ATAD5: variants seen among roughly 807,000 people sequenced by gnomAD.
The protein encoded by ATAD5 is ATPase family AAA domain containing 5, also known as ATPase family AAA domain-containing protein 5.
A neutral mutation model predicts 176.9 loss-of-function variants in ATAD5; 58 were observed. The ratio of observed to expected loss-of-function variants is 0.33; its 90% CI spans 0.27 to 0.41. The LOEUF (loss-of-function observed/expected upper bound fraction) is 0.41, where lower values mean the gene tolerates loss of function less well. Among genes scored for constraint, ATAD5 ranks in the 10% least tolerant of loss-of-function variants. The pLI is 1.00. For synonymous variants in ATAD5, 640 were observed against 712.6 expected (o/e 0.90, Z 1.62); for missense variants, 1,789 against 2,094.1 (o/e 0.85, Z 2.84).
Position 30,860,519 on chromosome 17 carries a change from G to C in ATAD5, c.3043G>C (p.Glu1015Gln). Residue 1015 changes from glutamate to glutamine, a missense_variant, in exon 10 of 23, where the codon GAG (glutamate) becomes CAG (glutamine). Glu to Gln is a conservative substitution (Grantham distance 29). Around this residue, in one of 6 missense-constraint regions of ATAD5, gnomAD observed 487 missense variants for 573.6 expected, o/e 0.85. Transcript: ENST00000321990. ...TAAGTCAAAAAGAAAGAAACCAAAT[G>C]AGTATTCAAAAAATCTGGAGAAGAC... ...NSKSKRKKPN[E>Q]YSKNLEKTNR... 6.3e-7 allele frequency: 1 copy of C among 1,599,522 alleles called. No homozygotes were observed. Among genetic ancestry groups the C allele is most frequent in the Non-Finnish European group, 8.5e-7 (1 of 1,177,004 alleles).
Position 30,876,578 on chromosome 17 carries a change from A to AT in ATAD5, c.3784+34dup, listed in dbSNP as rs752353073. ...AAGACATTAAATTGACAAATTTTAT[A>AT]TTTTTTAATAATAATGACCCTTATA... On this transcript the variant is annotated intron_variant, in intron 15 of 22. Transcript: ENST00000321990. 4 of 1,414,322 alleles carry AT rather than the reference A, an allele frequency of 2.8e-6. No individual in the cohort carries two copies. The East Asian group carries it at 7.2e-5, about 25-fold the overall frequency. The allele number at this position is 1,414,322 out of a possible 1,614,324, so 87.6% of individuals were successfully genotyped here.
chr17:30,844,845 A>G lies in ATAD5; in HGVS notation c.2379A>G (p.Lys793=). ...TSTKNVPGKM[K]VAPLFLVRKA... is the part of the protein sequence containing the mutation. ...ATTTATTTTTCTAAGGAAAAATGAAAGTCGCTCCTTTATTTCTTGTCAGAA... is the reference window on the plus strand; with the variant it reads ...ATTTATTTTTCTAAGGAAAAATGAAGGTCGCTCCTTTATTTCTTGTCAGAA... The change falls in exon 6 of 23, where the codon AAA becomes AAG. Residue 793 remains lysine (K), a synonymous_variant. Transcript: ENST00000321990. 4.4e-6 allele frequency: 7 copies of G among 1,599,258 alleles called. No homozygotes were observed. Among genetic ancestry groups the G allele is most frequent in the Non-Finnish European group, 6.0e-6 (7 of 1,175,732 alleles).
Position 30,894,930 on chromosome 17 carries a change from T to G in ATAD5, c.*17T>G. On this transcript the variant is annotated 3_prime_UTR_variant, in exon 23 of 23. Coordinates refer to ENST00000321990, the MANE Select transcript of ATAD5 (RefSeq NM_024857.5). ...TTCCCTTAATGTTCCATACTAACAA[T>G]GCTTTGTATAGATTATCATGTGGTC... 6.5e-7 allele frequency: 1 copy of G among 1,536,774 alleles called. No individual in the cohort carries two copies. Among genetic ancestry groups the G allele is most frequent in the Non-Finnish European group, 8.8e-7 (1 of 1,133,786 alleles).
At chr17:30,844,290 C>T (rs1906333463) in intron 5 of ATAD5, among the ~76,000 whole-genome samples, 1 of 151,934 alleles carries the variant, frequency 6.6e-6, no homozygotes, top group Admixed American at 6.6e-5. Flanking sequence ...CACCACCATG[C>T]CCGGCTAATT....
chr17:30,835,978 T>C lies in ATAD5; in HGVS notation c.1897T>C (p.Leu633=), dbSNP rs756887379. 57 of 1,613,924 alleles carry C rather than the reference T, an allele frequency of 3.5e-5. No homozygotes were observed. Among genetic ancestry groups the C allele is most frequent in the Non-Finnish European group, 4.6e-5 (54 of 1,180,000 alleles). ...LKASTQKAAN[L]SEKHSLYTAE... ...GGCTTCCACTCAAAAAGCAGCCAAC[T>C]TATCGGAAAAGCACAGCTTATATAC... The change falls in exon 2 of 23, where the codon TTA becomes CTA. Residue 633 remains leucine (L), a synonymous_variant. Transcript: ENST00000321990.
intron 4 of ATAD5, among the ~76,000 whole-genome samples, chr17:30,842,201 G>A (rs149469420): frequency 1.1e-4 from 17 of 152,058 alleles, no homozygotes; most frequent in African/African-American, 3.9e-4. Context: ...CCCGGGAGGC[G>A]GAGGTTGCAG....
intron 16 of ATAD5, among the ~76,000 whole-genome samples, chr17:30,877,779 T>C (rs1349300422): frequency 6.6e-6 from 1 of 152,230 alleles, no homozygotes; most frequent in Non-Finnish European, 1.5e-5. Flanking sequence ...TAAATTATTC[T>C]GATCCATATC....
In ATAD5 at chr17:30,834,765, G is replaced by T; in HGVS notation, c.684G>T (p.Leu228Phe). 6.2e-7 allele frequency: 1 copy of T among 1,613,996 alleles called. No homozygotes were observed. The highest frequency in any genetic ancestry group is 8.5e-7 in the Non-Finnish European group (1 of 1,179,962). ...TACCCTTGGCAGAGGAACTAAATTT[G>T]CTTAAAAAAGATGGTAAAGATACTA... ...ESLPLAEELN[L>F]LKKDGKDTKQ... The change falls in exon 2 of 23, where the codon TTG becomes TTT. Residue 228 changes from leucine to phenylalanine, a missense_variant. Physicochemically the swap from Leu to Phe is conservative, Grantham distance 22 (BLOSUM62 0). Around this residue, in one of 6 missense-constraint regions of ATAD5, gnomAD observed 696 missense variants for 712.5 expected, o/e 0.98. Transcript: ENST00000321990.
chr17:30,885,124 C>G (rs1228046089), intron 18 of ATAD5, among the ~76,000 whole-genome samples: 6 of 152,082 alleles, frequency 3.9e-5, no homozygotes, highest in African/African-American at 7.2e-5. Flanking sequence ...GCTAAATTCT[C>G]TTATTAGTTA....
chr17:30,850,596 A>G (rs1328275649), intron 6 of ATAD5, among the ~76,000 whole-genome samples: 1 of 151,402 alleles, frequency 6.6e-6, no homozygotes, highest in Admixed American at 6.6e-5. Context: ...TAGTCTCCAC[A>G]TAAGAGTGAG....
chr17:30,874,451 G>T (rs1345484002), intron 14 of ATAD5, among the ~76,000 whole-genome samples: 3 of 140,192 alleles, frequency 2.1e-5, no homozygotes, highest in Non-Finnish European at 3.0e-5. Context: ...TGAGGCAGGA[G>T]AATTACTTGA....
chr17:30,845,195 G>C (rs1422801329), intron 6 of ATAD5, among the ~76,000 whole-genome samples: 1 of 152,144 alleles, frequency 6.6e-6, no homozygotes, highest in Non-Finnish European at 1.5e-5. Context: ...ATACCTACTA[G>C]TATGTACCAG....
chr17:30,890,203 T>C (rs1481436511), intron 19 of ATAD5, among the ~76,000 whole-genome samples: 1 of 152,028 alleles, frequency 6.6e-6, no homozygotes, highest in African/African-American at 2.4e-5. Flanking sequence ...ATTATTCTTT[T>C]TCAAAGTAGA....
rs1330263735 is a variant in ATAD5, at chr17:30,860,462, A to C, written c.2986A>C (p.Thr996Pro). 6.3e-7 allele frequency: 1 copy of C among 1,595,248 alleles called. No homozygotes were observed. Among genetic ancestry groups the C allele is most frequent in the East Asian group, 2.2e-5 (1 of 44,722 alleles). Reference protein sequence around the residue: ...ELEADVSHKETKRKLVEAENS... With the variant: ...ELEADVSHKEPKRKLVEAENS... ...GGAGGCTGATGTCAGCCATAAAGAA[A>C]CCAAAAGGAAACTCGTAGAAGCAGA... Residue 996 changes from threonine (T) to proline (P), a missense_variant, in exon 10 of 23, where the codon ACC becomes CCC. Transcript: ENST00000321990.
At chr17:30,878,240 A>G (rs751689938) in intron 17 of ATAD5, 144 bp downstream of exon 17, 1 of 588,552 alleles carries the variant, frequency 1.7e-6, no homozygotes, top group Non-Finnish European at 3.0e-6. Flanking sequence ...TGGGTATTAG[A>G]TATTTAGGAA....
In ATAD5 at chr17:30,834,995, T is replaced by C. The variant is rs930021969; in HGVS notation, c.914T>C (p.Ile305Thr). The C allele has an allele frequency of 2.5e-6, 4 of 1,613,918 alleles. No homozygotes were observed. Among genetic ancestry groups the C allele is most frequent in the African/African-American group, 1.3e-5 (1 of 74,934 alleles). ...GACGAAATAGTCAAAAGTGGTTATA[T>C]AAGTGAATCAGAAAACTCCGAAATT... is the stretch of plus-strand genomic sequence containing the variant. ...TVDEIVKSGY[I>T]SESENSEISQ... Residue 305 changes from isoleucine (I) to threonine (T), a missense_variant, in exon 2 of 23, where the codon ATA becomes ACA. Ile to Thr is a moderately conservative substitution (Grantham distance 89). Coordinates refer to ENST00000321990, the MANE Select transcript of ATAD5 (RefSeq NM_024857.5).
At chr17:30,856,682 A>T (rs1414734625) in intron 7 of ATAD5, among the ~76,000 whole-genome samples, 1 of 152,146 alleles carries the variant, frequency 6.6e-6, no homozygotes, top group African/African-American at 2.4e-5. Context: ...TGGCCCTCCT[A>T]AAAGTTTTAA....
chr17:30,893,853 G>C lies in ATAD5; in HGVS notation c.5000G>C (p.Arg1667Thr). ...SFLDALLTDV[R>T]EQNKYGRNDF... ...TTAGATGCACTTTTAACTGATGTAA[G>C]GGAACAAAACAAATACGGTAGAAAT... is the stretch of plus-strand genomic sequence containing the variant. The change falls in exon 21 of 23, where the codon AGG (arginine) becomes ACG (threonine). Residue 1667 changes from arginine (R) to threonine (T), a missense_variant. Coordinates refer to ENST00000321990, the MANE Select transcript of ATAD5 (RefSeq NM_024857.5). The C allele has an allele frequency of 1.2e-6, 2 of 1,613,908 alleles. No homozygotes were observed. Among genetic ancestry groups the C allele is most frequent in the South Asian group, 1.1e-5 (1 of 91,054 alleles).
At chr17:30,882,268 A>T (rs535780058) in intron 18 of ATAD5, among the ~76,000 whole-genome samples, 2 of 151,832 alleles carry the variant, frequency 1.3e-5, no homozygotes, top group East Asian at 3.9e-4. Context: ...AAAAAAAAAA[A>T]ATTGTCTAAA....
Sources: gnomAD v4.1 joint callset for allele counts (sites outside exome capture counted in the v4.1 genomes callset) on GRCh38, gnomAD v4.1.1 for gene constraint, gnomAD v4.1.1 regional missense constraint, MANE v1.5 for transcripts, NCBI Gene and HGNC (gene_info 2026-07-23, HGNC 2026-07-21) for gene names.